Variants in ERC2 observed in about 807,000 individuals in gnomAD.
The protein encoded by ERC2 is ERC protein 2.
Under a neutral mutation model 114.8 loss-of-function variants are expected in ERC2, and 42 were observed. The observed-to-expected ratio is 0.37, with a 90% CI of 0.29 to 0.47. The LOEUF is 0.47. Ranked by LOEUF, ERC2 falls within the 20% of genes least tolerant of loss-of-function variation. ERC2 has a pLI of 0.99. For missense variants in ERC2, 939 were observed against 1,150.7 expected (o/e 0.82, Z 2.66); for synonymous variants, 454 against 425.5 (o/e 1.07, Z -0.82).
intron 14 of ERC2, among the ~76,000 whole-genome samples, chr3:55,802,129 A>C (rs1337268633): frequency 6.6e-6 from 1 of 152,264 alleles, no homozygotes; most frequent in Non-Finnish European, 1.5e-5. Context: ...TTTTGTACTG[A>C]ATATCACAGT....
chr3:55,746,100 T>A (rs1313102478), intron 14 of ERC2, among the ~76,000 whole-genome samples: 2 of 152,184 alleles, frequency 1.3e-5, no homozygotes, highest in Admixed American at 1.3e-4. Flanking sequence ...AATAGAACAT[T>A]CCCACAGGCT....
intron 16 of ERC2, among the ~76,000 whole-genome samples, chr3:55,687,137 G>A (rs1185790878): frequency 6.6e-6 from 1 of 152,166 alleles, no homozygotes; most frequent in African/African-American, 2.4e-5. Context: ...ATTCCTCACC[G>A]ATGGGCTGCT....
intron 14 of ERC2, among the ~76,000 whole-genome samples, chr3:55,755,457 G>A (rs575088919): frequency 4.6e-5 from 7 of 152,210 alleles, no homozygotes; most frequent in South Asian, 2.1e-4. Context: ...AGCCAACTGC[G>A]GTAGTTAAGG....
At chr3:55,931,010 A>G (rs1343248411) in intron 13 of ERC2, among the ~76,000 whole-genome samples, 1 of 152,262 alleles carries the variant, frequency 6.6e-6, no homozygotes, top group Non-Finnish European at 1.5e-5. Context: ...AAGGCTTATC[A>G]TCACTGGTCA....
At chr3:56,440,547 CAAAAAAA>C (rs397877367) in intron 1 of ERC2, among the ~76,000 whole-genome samples, 1 of 107,686 alleles carries the variant, frequency 9.3e-6, no homozygotes, top group Non-Finnish European at 1.9e-5. Flanking sequence ...GACTCTGTCT[CAAAAAAA>C]AAAAAAAAAA....
chr3:56,251,922 C>A (rs575568958), intron 3 of ERC2, among the ~76,000 whole-genome samples: 34 of 152,274 alleles, frequency 2.2e-4, no homozygotes, highest in African/African-American at 8.2e-4. Flanking sequence ...CTCTTGCCTC[C>A]ATATTTTACA....
chr3:56,049,652 C>T (rs1576709891), intron 7 of ERC2, among the ~76,000 whole-genome samples: 1 of 152,286 alleles, frequency 6.6e-6, no homozygotes, highest in Non-Finnish European at 1.5e-5. Context: ...GCCTTTCAGC[C>T]TACATCTTTC....
At chr3:55,866,189 T>C (rs1036770125) in intron 14 of ERC2, among the ~76,000 whole-genome samples, 1 of 152,196 alleles carries the variant, frequency 6.6e-6, no homozygotes, top group South Asian at 2.1e-4. Context: ...TTTTGATTTA[T>C]ATTTCCCTAA....
At chr3:55,661,474 C>A (rs2061134228) in intron 17 of ERC2, among the ~76,000 whole-genome samples, 1 of 152,190 alleles carries the variant, frequency 6.6e-6, no homozygotes, top group Non-Finnish European at 1.5e-5. Context: ...GACCTCTCTG[C>A]CTCTTCTGCT....
In ERC2 at chr3:55,714,663, G is replaced by A. The variant is rs62249285; in HGVS notation, c.2713-15151C>T. ...TATGTGTGTGTGTGTGTGTGTGTGT[G>A]TGTGTATATATATATATATATATAT... is the stretch of plus-strand genomic sequence containing the variant. On this transcript the variant is annotated intron_variant, in intron 15 of 17. Coordinates refer to ENST00000288221, the MANE Select transcript of ERC2 (RefSeq NM_015576.3). Among the ~76,000 whole-genome samples the A allele has an allele frequency of 1.3e-3, 117 of 92,172 alleles. 3 individuals carry two copies. Among genetic ancestry groups the A allele is most frequent in the African/African-American group, 3.7e-3 (76 of 20,802 alleles). The allele number at this position is 92,172 out of a possible 152,430, so 60.5% of individuals were successfully genotyped here. A position where few individuals can be genotyped will look rare whatever the true frequency, so the allele number is the denominator to read the frequency against.
chr3:56,052,100 A>C (rs1343576556), intron 7 of ERC2, among the ~76,000 whole-genome samples: 1 of 152,218 alleles, frequency 6.6e-6, no homozygotes, highest in Non-Finnish European at 1.5e-5. Flanking sequence ...CAATTCTAGT[A>C]ATGTGCTGTT....
chr3:55,758,731 T>C (rs956921821), intron 14 of ERC2, among the ~76,000 whole-genome samples: 55 of 152,218 alleles, frequency 3.6e-4, no homozygotes, highest in African/African-American at 1.3e-3. Flanking sequence ...TCCCCTCTTC[T>C]TATTACACAT....
At chr3:56,326,944 C>T (rs547748612) in intron 2 of ERC2, among the ~76,000 whole-genome samples, 6 of 152,312 alleles carry the variant, frequency 3.9e-5, no homozygotes, top group South Asian at 2.1e-4. Context: ...ACTAGGGCTA[C>T]GTATGTCTGG....
intron 17 of ERC2, among the ~76,000 whole-genome samples, chr3:55,636,002 A>C (rs1295634638): frequency 1.3e-5 from 2 of 151,834 alleles, no homozygotes; most frequent in African/African-American, 4.8e-5. Context: ...CAGCCTCCCA[A>C]GTAGCTGGGA....
At chr3:55,952,291 T>C (rs1281933036) in intron 12 of ERC2, among the ~76,000 whole-genome samples, 10 of 151,182 alleles carry the variant, frequency 6.6e-5, no homozygotes, top group African/African-American at 1.9e-4. Context: ...GTAGCACTTA[T>C]TAAGAGGACA....
At chr3:56,020,331 A>AC (rs967132279) in intron 7 of ERC2, among the ~76,000 whole-genome samples, 98 of 149,394 alleles carry the variant, frequency 6.6e-4, no homozygotes, top group Non-Finnish European at 1.2e-3. Flanking sequence ...TCCTTCATTC[A>AC]TTTTTTTTTC....
chr3:56,206,292 G>T (rs1392312581), intron 3 of ERC2, among the ~76,000 whole-genome samples: 4 of 152,000 alleles, frequency 2.6e-5, no homozygotes, highest in Non-Finnish European at 5.9e-5. Flanking sequence ...TGCCTCCAAA[G>T]CTTTTGGGTC....
intron 3 of ERC2, among the ~76,000 whole-genome samples, chr3:56,219,111 A>G (rs571610669): frequency 2.0e-5 from 3 of 152,224 alleles, no homozygotes; most frequent in South Asian, 4.2e-4. Context: ...AGTTGTGCAC[A>G]TGTACCCTAA....
chr3:56,463,889 A>T lies in ERC2; in HGVS notation c.-141+4359T>A, dbSNP rs140579732. Among the ~76,000 whole-genome samples, 101 of 152,338 alleles carry T rather than the reference A, an allele frequency of 6.6e-4. 1 individual carries two copies. Among genetic ancestry groups the T allele is most frequent in the African/African-American group, 2.1e-3 (87 of 41,572 alleles). On this transcript the variant is annotated intron_variant, in intron 1 of 17. Transcript: ENST00000288221. ...ATGGTGGCAGGACCCACATCAGAAT[A>T]AAACTGTGTTCACCACTGCACTGAA... is the stretch of plus-strand genomic sequence containing the variant.
Sources: gnomAD v4.1 joint callset for allele counts (sites outside exome capture counted in the v4.1 genomes callset) on GRCh38, gnomAD v4.1.1 for gene constraint, MANE v1.5 for transcripts, NCBI Gene and HGNC (gene_info 2026-07-23, HGNC 2026-07-21) for gene names.